The following CTNNA2 variants were observed in gnomAD, a reference collection of about 807,000 sequenced individuals.
CTNNA2 encodes the protein catenin alpha-2.
In CTNNA2, 42 loss-of-function variants were observed where a neutral mutation model predicts 101.0. The ratio of observed to expected loss-of-function variants is 0.42; its 90% CI spans 0.32 to 0.54. The LOEUF (loss-of-function observed/expected upper bound fraction) is 0.54, where lower values mean the gene tolerates loss of function less well. Among genes scored for constraint, CTNNA2 ranks in the 20% least tolerant of loss-of-function variants. CTNNA2 has a pLI of 0.14. For synonymous variants in CTNNA2, 450 were observed against 456.4 expected, an observed-to-expected ratio of 0.99 and a Z score of 0.18; for missense variants, 871 against 1,223.1, an observed-to-expected ratio of 0.71 and a Z score of 4.29.
intron 1 of CTNNA2, among the ~76,000 whole-genome samples, chr2:79,620,337 T>A (rs73938737): frequency 0.017 from 2,638 of 152,294 alleles, 62 homozygotes; most frequent in African/African-American, 0.059. Flanking sequence ...ATTTTTTTAG[T>A]GTTCTTTGCT....
intron 7 of CTNNA2, among the ~76,000 whole-genome samples, chr2:80,237,594 A>T (rs1709614029): frequency 6.6e-6 from 1 of 152,098 alleles, no homozygotes; most frequent in African/African-American, 2.4e-5. Context: ...AGGCCTTCAC[A>T]GTGGAAGGGG....
chr2:79,946,671 G>C (rs10196355), intron 7 of CTNNA2, among the ~76,000 whole-genome samples: 59,325 of 151,930 alleles, frequency 0.39, 11,826 homozygotes, highest in African/African-American at 0.45. Flanking sequence ...CAGACAACAA[G>C]CTGAAGATAT....
intron 7 of CTNNA2, among the ~76,000 whole-genome samples, chr2:80,161,395 G>T (rs1030882939): frequency 1.3e-5 from 2 of 151,890 alleles, no homozygotes; most frequent in Non-Finnish European, 2.9e-5. Flanking sequence ...GTATTAAAAA[G>T]GATCCTTATT....
intron 2 of CTNNA2, among the ~76,000 whole-genome samples, chr2:79,207,889 G>A (rs1347084577): frequency 6.6e-6 from 1 of 152,168 alleles, no homozygotes; most frequent in African/African-American, 2.4e-5. Context: ...TTTTCCTTTG[G>A]AATTTGGAGT....
At chr2:80,183,337 G>A (rs1705909065) in intron 7 of CTNNA2, among the ~76,000 whole-genome samples, 1 of 152,100 alleles carries the variant, frequency 6.6e-6, no homozygotes, top group South Asian at 2.1e-4. Context: ...TTTCTTTTCT[G>A]ACTCAATACC....
Position 80,539,412 on chromosome 2 carries a change from C to CAAA in CTNNA2, c.1291-5557_1291-5555dup, listed in dbSNP as rs70940083. ...ACTTACAAAGTGTGCCCAGAAGAGC[C>CAAA]AAAAAAAAAAAAAAAGTTATATTCA... On this transcript the variant is annotated intron_variant, in intron 9 of 18. Transcript: ENST00000402739. 3.6e-3 allele frequency among the ~76,000 whole-genome samples: 442 copies of CAAA among 123,392 alleles called. 2 individuals are homozygous for CAAA. Among genetic ancestry groups the CAAA allele is most frequent in the African/African-American group, 0.013 (433 of 34,300 alleles). 80.9% of individuals were successfully genotyped at this position (123,392 alleles called of 152,430 possible).
At chr2:80,365,857 C>T (rs1674884030) in intron 7 of CTNNA2, among the ~76,000 whole-genome samples, 1 of 152,158 alleles carries the variant, frequency 6.6e-6, no homozygotes, top group Admixed American at 6.6e-5. Context: ...GTAATTAAGA[C>T]TTTCAATGAA....
chr2:79,540,749 A>C (rs773277572), intron 1 of CTNNA2, among the ~76,000 whole-genome samples: 11 of 152,080 alleles, frequency 7.2e-5, no homozygotes, highest in Non-Finnish European at 1.3e-4. Context: ...ATACATTTAA[A>C]AAAGATCTTT....
chr2:79,658,592 A>G (rs983737576), intron 2 of CTNNA2, among the ~76,000 whole-genome samples: 1 of 152,104 alleles, frequency 6.6e-6, no homozygotes, highest in Non-Finnish European at 1.5e-5. Context: ...AGTTATTGAG[A>G]GTTCAACCTT....
chr2:79,222,774 T>C (rs1173756999), intron 2 of CTNNA2, among the ~76,000 whole-genome samples: 1 of 152,046 alleles, frequency 6.6e-6, no homozygotes, highest in Admixed American at 6.6e-5. Flanking sequence ...CCCAATGTGA[T>C]GGCATTAGGA....
At chr2:79,825,430 A>C (rs1678357095) in intron 3 of CTNNA2, among the ~76,000 whole-genome samples, 1 of 152,146 alleles carries the variant, frequency 6.6e-6, no homozygotes, top group South Asian at 2.1e-4. Context: ...TGATTAAATA[A>C]AGTGTGGTGT....
At chr2:80,338,669 A>G (rs1210360551) in intron 7 of CTNNA2, among the ~76,000 whole-genome samples, 1 of 152,204 alleles carries the variant, frequency 6.6e-6, no homozygotes, top group Non-Finnish European at 1.5e-5. Flanking sequence ...AAGAAGGTGC[A>G]TCCCTTTTAT....
chr2:80,324,688 G>A (rs1003393855), intron 7 of CTNNA2, among the ~76,000 whole-genome samples: 20 of 151,856 alleles, frequency 1.3e-4, no homozygotes, highest in Admixed American at 4.6e-4. Flanking sequence ...CTTTTTTGGC[G>A]TGACCTTGAG....
intron 2 of CTNNA2, among the ~76,000 whole-genome samples, chr2:79,293,441 A>G (rs1262938156): frequency 6.6e-6 from 1 of 152,192 alleles, no homozygotes; most frequent in Non-Finnish European, 1.5e-5. Flanking sequence ...AAATCATACT[A>G]CAGTCCCTCT....
At chr2:80,355,117 ATCT>A (rs1266098550) in intron 7 of CTNNA2, among the ~76,000 whole-genome samples, 3 of 152,158 alleles carry the variant, frequency 2.0e-5, no homozygotes, top group Non-Finnish European at 4.4e-5. Flanking sequence ...TTGGCAATGA[ATCT>A]TCTTCCTAAT....
intron 9 of CTNNA2, among the ~76,000 whole-genome samples, chr2:80,445,191 TA>T (rs1306786846): frequency 6.6e-6 from 1 of 152,132 alleles, no homozygotes; most frequent in Admixed American, 6.5e-5. Flanking sequence ...TTTATTTATT[TA>T]TTTTTTTGAG....
In CTNNA2 at chr2:79,344,959, G is replaced by A. The variant is rs192863441; in HGVS notation, c.-317-28872G>A. ...ATGTAAAGTACTTGGTATTTGGGAG[G>A]TATACACTAAGTGTTAAATCCTTTG... On this transcript the variant is annotated intron_variant, in intron 3 of 21. Coordinates refer to the CTNNA2 transcript ENST00000466387. Among the ~76,000 whole-genome samples, 252 of 149,374 alleles carry A rather than the reference G, an allele frequency of 1.7e-3. 1 individual carries two copies. The highest frequency in any genetic ancestry group is 7.0e-3 in the Middle Eastern group (2 of 284).
intron 7 of CTNNA2, among the ~76,000 whole-genome samples, chr2:79,995,509 C>T (rs541961901): frequency 6.6e-6 from 1 of 152,180 alleles, no homozygotes; most frequent in Admixed American, 6.5e-5. Context: ...CAAAGTGAGT[C>T]ATAAGTTTTT....
At chr2:79,346,305 G>T (rs1454913332) in intron 3 of CTNNA2, among the ~76,000 whole-genome samples, 1 of 152,088 alleles carries the variant, frequency 6.6e-6, no homozygotes, top group Non-Finnish European at 1.5e-5. Context: ...AGTGTTATTA[G>T]TATTATTTTG....
Sources: allele counts gnomAD v4.1 joint callset (sites outside exome capture counted in the v4.1 genomes callset), GRCh38; gene constraint gnomAD v4.1.1; transcripts MANE v1.5; gene names NCBI Gene and HGNC (gene_info 2026-07-23, HGNC 2026-07-21).